Variants in DCC observed in about 807,000 individuals in gnomAD.
The protein encoded by DCC is netrin receptor DCC.
In DCC, 58 loss-of-function variants were observed where a neutral mutation model predicts 172.5. That is an observed-to-expected ratio of 0.34 (90% CI 0.27 to 0.42). The LOEUF (loss-of-function observed/expected upper bound fraction) is 0.42. DCC is among the 10% of genes least tolerant of loss of function. The probability of loss-of-function intolerance (pLI) is 1.00; values close to 1 mark genes in which losing one functional copy is unlikely to be tolerated. For synonymous variants in DCC, 709 were observed against 644.5 expected, an observed-to-expected ratio of 1.10 and a Z score of -1.52; for missense variants, 1,740 against 1,791.0, an observed-to-expected ratio of 0.97 and a Z score of 0.51.
chr18:52,995,920 T>G (rs2041470502), intron 5 of DCC, among the ~76,000 whole-genome samples: 1 of 151,626 alleles, frequency 6.6e-6, no homozygotes, highest in African/African-American at 2.4e-5. Flanking sequence ...TTTTTCCCAG[T>G]GAAGTTGCAT....
intron 22 of DCC, among the ~76,000 whole-genome samples, chr18:53,441,069 G>A (rs12962464): frequency 0.43 from 65,713 of 152,022 alleles, 16,145 homozygotes; most frequent in Non-Finnish European, 0.57. Flanking sequence ...CCATGTTGTA[G>A]CAATCCAAAA....
intron 1 of DCC, among the ~76,000 whole-genome samples, chr18:52,636,972 A>G (rs910791131): frequency 6.6e-6 from 1 of 152,206 alleles, no homozygotes; most frequent in Non-Finnish European, 1.5e-5. Flanking sequence ...TGAGAGACCC[A>G]TAGACGGTTC....
chr18:52,460,384 C>T (rs1988594235), intron 1 of DCC, among the ~76,000 whole-genome samples: 1 of 152,188 alleles, frequency 6.6e-6, no homozygotes, highest in African/African-American at 2.4e-5. Context: ...TGATCACTCC[C>T]TCTTTTTTTC....
chr18:53,221,506 A>G (rs1417288120), intron 12 of DCC, among the ~76,000 whole-genome samples: 11 of 152,144 alleles, frequency 7.2e-5, no homozygotes. Flanking sequence ...AGCTCCATGA[A>G]GGCAAATTCT....
At chr18:52,943,790 C>A (rs1397153099) in intron 5 of DCC, among the ~76,000 whole-genome samples, 1 of 151,974 alleles carries the variant, frequency 6.6e-6, no homozygotes, top group African/African-American at 2.4e-5. Context: ...CACTCTGTCA[C>A]CCAGACTGAA....
intron 1 of DCC, among the ~76,000 whole-genome samples, chr18:52,585,976 G>C (rs938383459): frequency 2.7e-5 from 4 of 150,120 alleles, no homozygotes; most frequent in Non-Finnish European, 5.9e-5. Flanking sequence ...CCAGCTACTC[G>C]GGAGGCTGAG....
At chr18:52,495,486 T>C (rs1445089387) in intron 1 of DCC, among the ~76,000 whole-genome samples, 1 of 152,160 alleles carries the variant, frequency 6.6e-6, no homozygotes, top group Non-Finnish European at 1.5e-5. Context: ...TTCCTTTCTC[T>C]GAAATCTTCA....
intron 12 of DCC, among the ~76,000 whole-genome samples, chr18:53,280,407 T>C (rs369554345): frequency 3.9e-5 from 6 of 152,292 alleles, no homozygotes; most frequent in African/African-American, 1.4e-4. Context: ...GTCATGAAGT[T>C]ACTGAAAATA....
rs956823823 is a variant in DCC, at chr18:53,267,276, T to A, written c.1912-38302T>A. Among the ~76,000 whole-genome samples the A allele has an allele frequency of 4.6e-5, 7 of 152,014 alleles. No homozygotes were observed. In the South Asian group the frequency reaches 1.4e-3, roughly 31 times the overall value. On this transcript the variant is annotated intron_variant, in intron 12 of 28. Transcript: ENST00000442544. ...ATCTCAGCTTACCGCAACCTCTACCTCCTAGGTTCAAGCAATTCTCCTGCC... is the reference window on the plus strand; with the variant it reads ...ATCTCAGCTTACCGCAACCTCTACCACCTAGGTTCAAGCAATTCTCCTGCC...
intron 5 of DCC, among the ~76,000 whole-genome samples, chr18:52,965,597 C>T (rs2040916420): frequency 6.6e-6 from 1 of 152,084 alleles, no homozygotes; most frequent in South Asian, 2.1e-4. Context: ...TTTCTTTCTG[C>T]ATTGCTTGTT....
chr18:52,360,563 G>C (rs1271525223), intron 1 of DCC, among the ~76,000 whole-genome samples: 1 of 152,202 alleles, frequency 6.6e-6, no homozygotes, highest in Non-Finnish European at 1.5e-5. Flanking sequence ...CAGGCTTTGA[G>C]TTATGAACAT....
rs550492082 is a variant in DCC, at chr18:53,006,667, T to C, written c.986-56638T>C. On this transcript the variant is annotated intron_variant, in intron 5 of 28. Transcript: ENST00000442544. The stretch of plus-strand genomic sequence containing the variant: ...ATGTTATACTGTTAGTTTTGACTTA[T>C]ATAATGAGGTTGGTCATTCATACAA... Among the ~76,000 whole-genome samples the C allele has an allele frequency of 2.6e-5, 4 of 152,340 alleles. No individual in the cohort carries two copies. The East Asian group carries it at 7.7e-4, about 29-fold the overall frequency.
intron 7 of DCC, among the ~76,000 whole-genome samples, chr18:53,091,127 A>G (rs9945776): frequency 0.096 from 14,596 of 151,896 alleles, 1,138 homozygotes; most frequent in East Asian, 0.36. Flanking sequence ...GAAAACGGCT[A>G]TCTTAGAGAA....
chr18:53,432,634 A>G (rs1359679273), intron 21 of DCC, among the ~76,000 whole-genome samples: 1 of 152,286 alleles, frequency 6.6e-6, no homozygotes, highest in East Asian at 1.9e-4. Flanking sequence ...GTGATATGCC[A>G]AGAAGTAACA....
At chr18:52,531,870 G>T (rs1187650373) in intron 1 of DCC, among the ~76,000 whole-genome samples, 1 of 151,988 alleles carries the variant, frequency 6.6e-6, no homozygotes, top group Admixed American at 6.5e-5. Context: ...TATTTTCTAC[G>T]TTCAAGCATA....
chr18:52,423,397 C>T (rs1987316999), intron 1 of DCC, among the ~76,000 whole-genome samples: 1 of 152,044 alleles, frequency 6.6e-6, no homozygotes, highest in Non-Finnish European at 1.5e-5. Context: ...CTGGGTCTGA[C>T]CATTGGACCA....
At chr18:52,463,278 T>C (rs1988686408) in intron 1 of DCC, among the ~76,000 whole-genome samples, 1 of 152,134 alleles carries the variant, frequency 6.6e-6, no homozygotes, top group African/African-American at 2.4e-5. Flanking sequence ...TAAGCCACAG[T>C]GGCCTTTTCC....
At chr18:53,528,411 G>T (rs1389776728) in intron 28 of DCC, among the ~76,000 whole-genome samples, 2 of 151,968 alleles carry the variant, frequency 1.3e-5, no homozygotes, top group African/African-American at 4.8e-5. Flanking sequence ...TATCTGTTTA[G>T]GATCAAGGTT....
At chr18:52,712,692 T>C (rs1418102294) in intron 1 of DCC, among the ~76,000 whole-genome samples, 1 of 152,232 alleles carries the variant, frequency 6.6e-6, no homozygotes, top group Non-Finnish European at 1.5e-5. Flanking sequence ...AACACTCATG[T>C]TGGCATTCTT....
Sources: gnomAD v4.1 joint callset for allele counts (sites outside exome capture counted in the v4.1 genomes callset) on GRCh38, gnomAD v4.1.1 for gene constraint, MANE v1.5 for transcripts, NCBI Gene and HGNC (gene_info 2026-07-23, HGNC 2026-07-21) for gene names.